RIT2: variants seen among roughly 807,000 people sequenced by gnomAD.
RIT2 encodes Ras like without CAAX 2, also known as GTP-binding protein Rit2.
Under a neutral mutation model 23.7 loss-of-function variants are expected in RIT2, and 24 were observed. The ratio of observed to expected loss-of-function variants is 1.01; its 90% CI spans 0.73 to 1.43. The LOEUF (loss-of-function observed/expected upper bound fraction) is 1.43. RIT2 is among the 40% of genes most tolerant of loss of function. The pLI is 0.00. For synonymous variants in RIT2, 107 were observed against 91.1 expected, an observed-to-expected ratio of 1.17 and a Z score of -0.99; for missense variants, 236 against 266.9, an observed-to-expected ratio of 0.88 and a Z score of 0.81.
chr18:42,923,720 T>C lies in RIT2; in HGVS notation c.278A>G (p.Glu93Gly). The change falls in exon 4 of 5, where the codon GAA (glutamate) becomes GGA (glycine). Residue 93 changes from glutamate to glycine, a missense_variant. Physicochemically the swap from Glu to Gly is moderately conservative, Grantham distance 98. Coordinates refer to ENST00000326695, the MANE Select transcript of RIT2 (RefSeq NM_002930.4). ...AMREQYMRGG[E>G]GFIICYSVTD... ...GACGGAGTAGCAGATGATGAAGCCT[T>C]CCCCACCTCGCATGTACTGCTCCCG... is the stretch of plus-strand genomic sequence containing the variant. The C allele has an allele frequency of 6.2e-7, 1 of 1,611,878 alleles. No homozygotes were observed. Among genetic ancestry groups the C allele is most frequent in the Non-Finnish European group, 8.5e-7 (1 of 1,179,522 alleles).
intron 2 of RIT2, among the ~76,000 whole-genome samples, chr18:43,023,369 A>G (rs1568058734): frequency 6.6e-6 from 1 of 152,040 alleles, no homozygotes; most frequent in African/African-American, 2.4e-5. Context: ...TTCTCTATGA[A>G]TAGATTCTCT....
At position 43,064,017 on chromosome 18, in the gene RIT2, T is replaced by G. The variant is rs187323693; in HGVS notation, c.104-30150A>C. On this transcript the variant is annotated intron_variant, in intron 1 of 4. Coordinates refer to ENST00000326695, the MANE Select transcript of RIT2 (RefSeq NM_002930.4). ...CGTCCAGAGAAGGTAAAGGATTTGA[T>G]TAGAGACTAAGAAGTTCAGCAGTGG... Among the ~76,000 whole-genome samples the G allele has an allele frequency of 1.6e-3, 239 of 152,244 alleles. 1 individual carries two copies. The highest frequency in any genetic ancestry group is 3.4e-3 in the Middle Eastern group (1 of 294).
chr18:43,081,260 T>A (rs1049250417), intron 1 of RIT2, among the ~76,000 whole-genome samples: 1 of 152,200 alleles, frequency 6.6e-6, no homozygotes, highest in Non-Finnish European at 1.5e-5. Context: ...ATCATGATGC[T>A]GCTTATGTTA....
chr18:43,011,108 C>G (rs947181559), intron 2 of RIT2, among the ~76,000 whole-genome samples: 1 of 151,620 alleles, frequency 6.6e-6, no homozygotes, highest in Admixed American at 6.6e-5. Context: ...AGAGGATATC[C>G]AAATGACAAA....
chr18:43,022,405 T>C (rs1266046503), intron 2 of RIT2, among the ~76,000 whole-genome samples: 2 of 152,120 alleles, frequency 1.3e-5, no homozygotes, highest in Non-Finnish European at 2.9e-5. Context: ...GTAGGGTAAC[T>C]ACAGTTAATA....
intron 4 of RIT2, among the ~76,000 whole-genome samples, chr18:42,912,490 T>A (rs1451091414): frequency 6.6e-6 from 1 of 151,882 alleles, no homozygotes; most frequent in Non-Finnish European, 1.5e-5. Flanking sequence ...ACTCTCTATT[T>A]ACAAATCACA....
At chr18:42,889,371 T>G (rs970212141) in intron 4 of RIT2, among the ~76,000 whole-genome samples, 2 of 152,042 alleles carry the variant, frequency 1.3e-5, no homozygotes, top group Admixed American at 1.3e-4. Context: ...TGCTAAACTT[T>G]CTGATTTCAC....
At chr18:42,888,006 G>A (rs1245945461) in intron 4 of RIT2, among the ~76,000 whole-genome samples, 2 of 152,092 alleles carry the variant, frequency 1.3e-5, no homozygotes, top group African/African-American at 4.8e-5. Flanking sequence ...AGTTAGAGGA[G>A]AGAGAAGAAT....
At chr18:42,804,497 G>A (rs1244530934) in intron 4 of RIT2, among the ~76,000 whole-genome samples, 1 of 145,516 alleles carries the variant, frequency 6.9e-6, no homozygotes, top group Non-Finnish European at 1.5e-5. Flanking sequence ...GGAGATTGCA[G>A]TGAGCTGAGA....
At chr18:43,059,777 C>CT (rs34810427) in intron 1 of RIT2, among the ~76,000 whole-genome samples, 88,573 of 151,264 alleles carry the variant, frequency 0.59, 27,620 homozygotes, top group Non-Finnish European at 0.72. Flanking sequence ...CATTCTTACA[C>CT]TTTTTTTTTA....
chr18:42,931,042 CTCTT>C (rs1379340271), intron 3 of RIT2, among the ~76,000 whole-genome samples: 2 of 151,988 alleles, frequency 1.3e-5, no homozygotes, highest in Non-Finnish European at 2.9e-5. Flanking sequence ...GCACTTATGC[CTCTT>C]TCTTTTATTG....
At chr18:42,947,114 G>C (rs1167327595) in intron 3 of RIT2, among the ~76,000 whole-genome samples, 1 of 152,090 alleles carries the variant, frequency 6.6e-6, no homozygotes, top group Non-Finnish European at 1.5e-5. Context: ...TCATTGAAGA[G>C]CTAGATTTAT....
In RIT2 at chr18:42,743,287, C is replaced by A; in HGVS notation, c.*206G>T. On this transcript the variant is annotated 3_prime_UTR_variant, in exon 5 of 5. Coordinates refer to ENST00000326695, the MANE Select transcript of RIT2 (RefSeq NM_002930.4). Reference sequence around the variant, plus strand: ...TGTTGTAAAAACTAAACAGCATATCCAGCTGATTGACAAAATCCATCCAAC... The same window carrying A: ...TGTTGTAAAAACTAAACAGCATATCAAGCTGATTGACAAAATCCATCCAAC... 1 of 579,930 alleles carries A rather than the reference C, an allele frequency of 1.7e-6. No homozygotes were observed. The highest frequency in any genetic ancestry group is 2.1e-5 in the South Asian group (1 of 47,078). The allele number at this position is 579,930 out of a possible 1,614,324, so 35.9% of individuals were successfully genotyped here.
chr18:43,033,639 A>G (rs1911907869), intron 2 of RIT2, among the ~76,000 whole-genome samples, 172 bp downstream of exon 2: 2 of 152,136 alleles, frequency 1.3e-5, no homozygotes, highest in Non-Finnish European at 2.9e-5. Context: ...AAGGACAAAT[A>G]CTGTCTCTTG....
chr18:42,786,086 C>A (rs2143939407), intron 4 of RIT2, among the ~76,000 whole-genome samples: 1 of 152,158 alleles, frequency 6.6e-6, no homozygotes, highest in African/African-American at 2.4e-5. Context: ...AGGTGAATGG[C>A]TCAAATTTTT....
At chr18:42,882,777 C>G (rs1290038304) in intron 4 of RIT2, among the ~76,000 whole-genome samples, 1 of 152,132 alleles carries the variant, frequency 6.6e-6, no homozygotes, top group South Asian at 2.1e-4. Context: ...GAATGGAGCT[C>G]TATTTGGATG....
intron 2 of RIT2, among the ~76,000 whole-genome samples, chr18:42,980,752 G>C (rs1910580908): frequency 6.6e-6 from 1 of 152,130 alleles, no homozygotes; most frequent in South Asian, 2.1e-4. Context: ...CCTACCTGGA[G>C]ATTTGCAGGT....
chr18:43,096,284 C>T (rs1257024642), intron 1 of RIT2, among the ~76,000 whole-genome samples: 2 of 151,860 alleles, frequency 1.3e-5, no homozygotes, highest in Admixed American at 1.3e-4. Context: ...CTGAATTTCT[C>T]TGGTCCAAAT....
chr18:43,018,994 A>G (rs190616296), intron 2 of RIT2, among the ~76,000 whole-genome samples: 192 of 152,190 alleles, frequency 1.3e-3, no homozygotes, highest in South Asian at 4.8e-3. Flanking sequence ...ATAATATACA[A>G]AACAACCAGA....
Sources: allele counts gnomAD v4.1 joint callset (sites outside exome capture counted in the v4.1 genomes callset), GRCh38; gene constraint gnomAD v4.1.1; transcripts MANE v1.5; gene names NCBI Gene and HGNC (gene_info 2026-07-23, HGNC 2026-07-21).